Variants in P2RY2 observed in about 807,000 individuals in gnomAD.
P2RY2 encodes purinergic receptor P2Y2, also known as P2Y purinoceptor 2.
For synonymous variants in P2RY2, 241 were observed against 231.9 expected, an observed-to-expected ratio of 1.04 and a Z score of -0.35; for missense variants, 567 against 515.7, an observed-to-expected ratio of 1.10 and a Z score of -0.96.
Position 73,236,839 on chromosome 11 carries a change from A to C in P2RY2, c.*1546A>C, listed in dbSNP as rs1862665257. 1 of 985,398 alleles carries C rather than the reference A, an allele frequency of 1.0e-6. No individual in the cohort carries two copies. Among genetic ancestry groups the C allele is most frequent in the Non-Finnish European group, 1.2e-6 (1 of 829,912 alleles). 61.0% of individuals were successfully genotyped at this position (985,398 alleles called of 1,614,324 possible). A position where few individuals can be genotyped will look rare whatever the true frequency, so the allele number is the denominator to read the frequency against. On this transcript the variant is annotated 3_prime_UTR_variant, in exon 3 of 3. Coordinates refer to ENST00000393597, the MANE Select transcript of P2RY2 (RefSeq NM_002564.4). ...CTCACCTATGATAGGTTCTGAGTCTAGCCAGGACCACTCTGGGCTGACGTG... is the reference window on the plus strand; with the variant it reads ...CTCACCTATGATAGGTTCTGAGTCTCGCCAGGACCACTCTGGGCTGACGTG...
intron 1 of P2RY2, among the ~76,000 whole-genome samples, chr11:73,219,540 C>T (rs1862060943): frequency 6.6e-6 from 1 of 152,306 alleles, no homozygotes; most frequent in Admixed American, 6.5e-5. Flanking sequence ...AGGCTCACAG[C>T]TTGGGGATGG....
intron 2 of P2RY2, among the ~76,000 whole-genome samples, chr11:73,233,188 C>T (rs1433938188): frequency 6.6e-6 from 1 of 152,218 alleles, no homozygotes; most frequent in Non-Finnish European, 1.5e-5. Flanking sequence ...GGACTCTTCA[C>T]GGGGGTTACT....
chr11:73,232,733 T>G (rs769733663), intron 2 of P2RY2, among the ~76,000 whole-genome samples: 15 of 152,152 alleles, frequency 9.9e-5, no homozygotes, highest in Non-Finnish European at 2.2e-4. Context: ...TTAGAAAGCA[T>G]GCTTAGTAGT....
chr11:73,237,247 GT>G lies in P2RY2; in HGVS notation c.*1964del, dbSNP rs773922353. ...GTTAATGTAGCCGATGTCCTTCTGA[GT>G]TTTTTTTTTCTTTTTGAGACGAAGT... is the stretch of plus-strand genomic sequence containing the variant. On this transcript the variant is annotated 3_prime_UTR_variant, in exon 3 of 3. Transcript: ENST00000393597. 5.6e-3 allele frequency: 2,413 copies of G among 429,778 alleles called. 19 individuals carry two copies. Among genetic ancestry groups the G allele is most frequent in the Admixed American group, 7.4e-3 (114 of 15,314 alleles). The allele number at this position is 429,778 out of a possible 1,614,324, so 26.6% of individuals were successfully genotyped here.
intron 2 of P2RY2, 40 bp from the exon 3 acceptor site, chr11:73,234,116 G>A (rs558959319): frequency 9.0e-6 from 14 of 1,560,802 alleles, no homozygotes; most frequent in African/African-American, 4.1e-5. Context: ...GGGGCGCTCC[G>A]GCCACAACCC....
chr11:73,233,150 T>C (rs142835792), intron 2 of P2RY2, among the ~76,000 whole-genome samples: 1 of 152,340 alleles, frequency 6.6e-6, no homozygotes, highest in Non-Finnish European at 1.5e-5. Context: ...CTTGGCCCCC[T>C]ATCCCTATCT....
intron 2 of P2RY2, 119 bp from the exon 3 acceptor site, chr11:73,234,037 G>A (rs1317746700): frequency 1.6e-6 from 2 of 1,220,118 alleles, no homozygotes; most frequent in African/African-American, 1.5e-5. Context: ...AGAGCTTGGA[G>A]GTTCCAGGTC....
At chr11:73,230,667 C>T (rs12282907) in intron 2 of P2RY2, among the ~76,000 whole-genome samples, 21,844 of 151,874 alleles carry the variant, frequency 0.14, 4,262 homozygotes, top group African/African-American at 0.45. Context: ...CAGGTGGAGA[C>T]GAGGGCTATG....
chr11:73,236,153 G>C lies in P2RY2; in HGVS notation c.*860G>C. ...TGCCTGACTCTGTGCTGAGCACAGAGAAAAGTCAGGTGCAGTCCCAGTCCT... is the reference window on the plus strand; with the variant it reads ...TGCCTGACTCTGTGCTGAGCACAGACAAAAGTCAGGTGCAGTCCCAGTCCT... On this transcript the variant is annotated 3_prime_UTR_variant, in exon 3 of 3. Transcript: ENST00000393597. 1.0e-6 allele frequency: 1 copy of C among 1,000,314 alleles called. No homozygotes were observed. Among genetic ancestry groups the C allele is most frequent in the South Asian group, 4.7e-5 (1 of 21,282 alleles). The allele number at this position is 1,000,314 out of a possible 1,614,324, so 62.0% of individuals were successfully genotyped here. A position where few individuals can be genotyped will look rare whatever the true frequency, so the allele number is the denominator to read the frequency against.
rs147998857 is a variant in P2RY2, at chr11:73,221,251, A to G, written c.-200+2819A>G. Among the ~76,000 whole-genome samples the G allele has an allele frequency of 1.4e-3, 209 of 152,298 alleles. 1 individual carries two copies. Among genetic ancestry groups the G allele is most frequent in the African/African-American group, 4.7e-3 (196 of 41,554 alleles). ...ATGGCTTCACTAGTAACGATTTACA[A>G]CAATCCATTTTGTCTTCCTATAGCC... On this transcript the variant is annotated intron_variant, in intron 1 of 2. Transcript: ENST00000393597.
intron 1 of P2RY2, among the ~76,000 whole-genome samples, chr11:73,221,764 C>T (rs1034978805): frequency 4.2e-4 from 64 of 152,196 alleles, no homozygotes; most frequent in African/African-American, 1.4e-3. Context: ...CTGTGTGGGC[C>T]ACTCTGACCT....
chr11:73,234,219 G>A lies in P2RY2; in HGVS notation c.60G>A (p.Glu20=), dbSNP rs1862544918. ...DTINGTWDGD[E]LGYRCRFNED... is the part of the protein sequence containing the mutation. ...TCAATGGCACCTGGGATGGGGATGA[G>A]CTGGGCTACAGGTGCCGCTTCAACG... Residue 20 remains glutamate (E), a synonymous_variant, in exon 3 of 3, where the codon GAG becomes GAA. Transcript: ENST00000393597. The A allele has an allele frequency of 6.2e-7, 1 of 1,614,030 alleles. No homozygotes were observed. The highest frequency in any genetic ancestry group is 1.3e-5 in the African/African-American group (1 of 74,928).
chr11:73,225,953 T>C (rs1862265046), intron 1 of P2RY2, among the ~76,000 whole-genome samples: 1 of 152,112 alleles, frequency 6.6e-6, no homozygotes, highest in Non-Finnish European at 1.5e-5. Flanking sequence ...GCCACAAACA[T>C]GGCTCAACAA....
chr11:73,226,476 T>G (rs1862280979), intron 1 of P2RY2, among the ~76,000 whole-genome samples: 1 of 152,142 alleles, frequency 6.6e-6, no homozygotes, highest in Admixed American at 6.5e-5. Flanking sequence ...CAGTAAGCAG[T>G]GGCCCAGAGG....
intron 1 of P2RY2, among the ~76,000 whole-genome samples, chr11:73,219,695 G>A (rs1349256119): frequency 6.6e-6 from 1 of 152,226 alleles, no homozygotes; most frequent in East Asian, 1.9e-4. Flanking sequence ...AGCCTTTCCA[G>A]CCACCTCTCC....
chr11:73,228,705 A>G (rs1233168153), intron 2 of P2RY2, among the ~76,000 whole-genome samples: 1 of 152,214 alleles, frequency 6.6e-6, no homozygotes, highest in Non-Finnish European at 1.5e-5. Flanking sequence ...GGTGGACCAG[A>G]ACCCCTAGAG....
chr11:73,233,166 C>A (rs1346302546), intron 2 of P2RY2, among the ~76,000 whole-genome samples: 3 of 152,210 alleles, frequency 2.0e-5, no homozygotes. Context: ...TATCTCCAAC[C>A]CAGATTTCCC....
chr11:73,235,082 T>C lies in P2RY2; in HGVS notation c.923T>C (p.Leu308Pro), dbSNP rs764252461. ...NSCLDPVLYF[L>P]AGQRLVRFAR... ...TGCCTTGACCCCGTGCTCTACTTCC[T>C]GGCTGGGCAGAGGCTCGTACGCTTT... Residue 308 changes from leucine to proline, a missense_variant, in exon 3 of 3, where the codon CTG (leucine) becomes CCG (proline). By Grantham distance (98) the Leu-to-Pro change is moderately conservative (BLOSUM62 -3). Coordinates refer to ENST00000393597, the MANE Select transcript of P2RY2 (RefSeq NM_002564.4). The C allele has an allele frequency of 6.2e-7, 1 of 1,608,394 alleles. No homozygotes were observed. Among genetic ancestry groups the C allele is most frequent in the South Asian group, 1.1e-5 (1 of 91,052 alleles).
In P2RY2 at chr11:73,234,180, C is replaced by T. The variant is rs1287685922; in HGVS notation, c.21C>T (p.Pro7=). 2 of 1,612,044 alleles carry T rather than the reference C, an allele frequency of 1.2e-6. No homozygotes were observed. The highest frequency in any genetic ancestry group is 8.5e-7 in the Non-Finnish European group (1 of 1,178,856). The change falls in exon 3 of 3, where the codon CCC becomes CCT. Residue 7 remains proline (P), a synonymous_variant. Transcript: ENST00000393597. Reference sequence around the variant, plus strand: ...GGGCGATGGCAGCAGACCTGGGCCCCTGGAATGACACCATCAATGGCACCT... The same window carrying T: ...GGGCGATGGCAGCAGACCTGGGCCCTTGGAATGACACCATCAATGGCACCT... MAADLG[P]WNDTINGTWD... is the part of the protein sequence containing the mutation.
Sources: gnomAD v4.1 joint callset for allele counts (sites outside exome capture counted in the v4.1 genomes callset) on GRCh38, gnomAD v4.1.1 for gene constraint, MANE v1.5 for transcripts, NCBI Gene and HGNC (gene_info 2026-07-23, HGNC 2026-07-21) for gene names.